The following STXBP5L variants were observed in gnomAD, a reference collection of about 807,000 sequenced individuals.
STXBP5L encodes the protein syntaxin binding protein 5L, also known as syntaxin-binding protein 5-like.
STXBP5L carries 65 observed loss-of-function variants against 144.5 expected under a neutral mutation model. That is an observed-to-expected ratio of 0.45 (90% CI 0.37 to 0.55). The LOEUF (loss-of-function observed/expected upper bound fraction) is 0.55. STXBP5L is among the 20% of genes least tolerant of loss of function. STXBP5L has a pLI of 0.00. For synonymous variants in STXBP5L, 505 were observed against 469.6 expected (o/e 1.08, Z -0.97); for missense variants, 1,298 against 1,405.5 (o/e 0.92, Z 1.22).
chr3:121,143,492 G>A (rs531709852), intron 7 of STXBP5L, among the ~76,000 whole-genome samples: 4 of 151,846 alleles, frequency 2.6e-5, no homozygotes, highest in African/African-American at 9.6e-5. Context: ...GATCAAGTGG[G>A]ATCTATCTCT....
intron 9 of STXBP5L, among the ~76,000 whole-genome samples, chr3:121,178,482 G>A (rs769296016): frequency 7.2e-5 from 11 of 152,030 alleles, no homozygotes; most frequent in Non-Finnish European, 1.5e-4. Flanking sequence ...GCATGATAAA[G>A]CATCTTTTGA....
chr3:121,107,220 T>C (rs1031215726), intron 5 of STXBP5L, among the ~76,000 whole-genome samples: 8 of 152,178 alleles, frequency 5.3e-5, no homozygotes, highest in African/African-American at 9.6e-5. Flanking sequence ...TTTAGCTTAA[T>C]TAGATCCCGT....
chr3:121,086,505 T>A (rs1409098888), intron 5 of STXBP5L, among the ~76,000 whole-genome samples: 1 of 152,102 alleles, frequency 6.6e-6, no homozygotes. Context: ...TATGTAACAA[T>A]TGCCTACAGT....
chr3:121,058,749 T>C (rs950742388), intron 5 of STXBP5L, among the ~76,000 whole-genome samples: 7 of 152,242 alleles, frequency 4.6e-5, no homozygotes, highest in Non-Finnish European at 1.0e-4. Flanking sequence ...GTTTTTCATA[T>C]GTTTGTTGGC....
At position 121,045,426 on chromosome 3, in the gene STXBP5L, T is replaced by C; in HGVS notation, c.370-9T>C. 6.3e-7 allele frequency: 1 copy of C among 1,592,658 alleles called. No homozygotes were observed. The highest frequency in any genetic ancestry group is 8.5e-7 in the Non-Finnish European group (1 of 1,173,042). On this transcript the variant is annotated splice_polypyrimidine_tract_variant and intron_variant, in intron 4 of 26. Coordinates refer to ENST00000471454, the MANE Select transcript of STXBP5L (RefSeq NM_001308330.2). ...ATCACACACTTACTTTATCTTCTTT[T>C]TGTTCTAGGGTGCCTTGGTCAGTGC...
At chr3:121,068,068 G>C (rs906463960) in intron 5 of STXBP5L, among the ~76,000 whole-genome samples, 1 of 152,204 alleles carries the variant, frequency 6.6e-6, no homozygotes, top group Non-Finnish European at 1.5e-5. Flanking sequence ...GGAGTGCAGT[G>C]GCACAATCTC....
At chr3:121,172,420 T>G (rs1433767749) in intron 9 of STXBP5L, among the ~76,000 whole-genome samples, 1 of 152,050 alleles carries the variant, frequency 6.6e-6, no homozygotes, top group Non-Finnish European at 1.5e-5. Flanking sequence ...GGGAGAAAAT[T>G]TTTGCAATCT....
chr3:120,961,564 G>T (rs559989701), intron 3 of STXBP5L, among the ~76,000 whole-genome samples: 2 of 152,212 alleles, frequency 1.3e-5, no homozygotes, highest in East Asian at 1.9e-4. Flanking sequence ...GAGAATGCTG[G>T]TTTCCAGCTT....
At chr3:121,028,158 T>C (rs1278447951) in intron 3 of STXBP5L, among the ~76,000 whole-genome samples, 4 of 152,118 alleles carry the variant, frequency 2.6e-5, no homozygotes, top group Non-Finnish European at 4.4e-5. Context: ...TTAGAATTAA[T>C]TTGTTTTCAC....
intron 10 of STXBP5L, among the ~76,000 whole-genome samples, chr3:121,214,993 A>T (rs1296607128): frequency 6.6e-6 from 1 of 151,112 alleles, no homozygotes; most frequent in African/African-American, 2.4e-5. Context: ...TCTTTGTTTA[A>T]GACTGTTTTA....
At chr3:121,165,553 G>A (rs562279389) in intron 9 of STXBP5L, among the ~76,000 whole-genome samples, 6 of 152,202 alleles carry the variant, frequency 3.9e-5, no homozygotes, top group Admixed American at 3.9e-4. Flanking sequence ...TCCTGCTTTT[G>A]TTGTAGGAAA....
At chr3:121,042,672 G>C (rs1366049299) in intron 4 of STXBP5L, among the ~76,000 whole-genome samples, 1 of 152,074 alleles carries the variant, frequency 6.6e-6, no homozygotes, top group African/African-American at 2.4e-5. Context: ...TGGGTAAAAT[G>C]TCTCATAGAA....
chr3:121,277,214 C>T (rs914926513), intron 18 of STXBP5L, among the ~76,000 whole-genome samples: 29 of 151,918 alleles, frequency 1.9e-4, no homozygotes, highest in African/African-American at 6.0e-4. Context: ...CTAAATTCAT[C>T]GTCACATAAT....
intron 3 of STXBP5L, among the ~76,000 whole-genome samples, chr3:121,036,138 G>T (rs1179838940): frequency 1.3e-5 from 2 of 152,048 alleles, no homozygotes; most frequent in African/African-American, 2.4e-5. Context: ...TTTGAGACCA[G>T]CCTAGCCAAC....
intron 19 of STXBP5L, among the ~76,000 whole-genome samples, chr3:121,297,746 T>C (rs143003695): frequency 6.6e-6 from 1 of 152,286 alleles, no homozygotes; most frequent in East Asian, 1.9e-4. Context: ...AGAGTGAGAC[T>C]CTGCTCCCAA....
At chr3:121,302,335 G>T (rs2051949272) in intron 19 of STXBP5L, among the ~76,000 whole-genome samples, 1 of 152,140 alleles carries the variant, frequency 6.6e-6, no homozygotes, top group African/African-American at 2.4e-5. Flanking sequence ...TTGCATAGAG[G>T]TGTTTATAGT....
At chr3:121,037,198 A>T (rs1321315064) in intron 3 of STXBP5L, among the ~76,000 whole-genome samples, 2 of 149,730 alleles carry the variant, frequency 1.3e-5, no homozygotes, top group Admixed American at 6.7e-5. Flanking sequence ...TTCCGAAAGT[A>T]TTGGGATTCC....
intron 3 of STXBP5L, among the ~76,000 whole-genome samples, chr3:120,972,406 A>T (rs2686651): frequency 0.25 from 38,300 of 151,946 alleles, 4,982 homozygotes; most frequent in African/African-American, 0.28. Flanking sequence ...TTTGATTTTT[A>T]TACAATGATT....
intron 10 of STXBP5L, among the ~76,000 whole-genome samples, chr3:121,218,953 T>C (rs1466418051): frequency 6.6e-6 from 1 of 152,160 alleles, no homozygotes; most frequent in Non-Finnish European, 1.5e-5. Context: ...AGTGGGTTTC[T>C]TAGTAGTTAC....
Sources: gnomAD v4.1 joint callset for allele counts (sites outside exome capture counted in the v4.1 genomes callset) on GRCh38, gnomAD v4.1.1 for gene constraint, MANE v1.5 for transcripts, NCBI Gene and HGNC (gene_info 2026-07-23, HGNC 2026-07-21) for gene names.